CR1: variants seen among roughly 807,000 people sequenced by gnomAD.
CR1 encodes the protein complement receptor type 1.
CR1 carries 116 observed loss-of-function variants against 187.3 expected under a neutral mutation model. That is an observed-to-expected ratio of 0.62 (90% CI 0.53 to 0.72). The LOEUF (loss-of-function observed/expected upper bound fraction) is 0.72. Among genes scored for constraint, CR1 ranks in the 30% least tolerant of loss-of-function variants. The probability of loss-of-function intolerance (pLI) is 0.00; values close to 1 mark genes in which losing one functional copy is unlikely to be tolerated. For synonymous variants in CR1, 576 were observed against 747.1 expected (o/e 0.77, Z 3.73); for missense variants, 1,731 against 2,110.7 (o/e 0.82, Z 3.52).
rs539713836 is a variant in CR1, at chr1:207,565,649, A to G, written c.3867-189A>G. Among the ~76,000 whole-genome samples, 27 of 150,290 alleles carry G rather than the reference A, an allele frequency of 1.8e-4. No individual in the cohort carries two copies. The South Asian group carries it at 2.5e-3, about 14-fold the overall frequency. On this transcript the variant is annotated intron_variant, in intron 23 of 46. Coordinates refer to ENST00000367049, the MANE Select transcript of CR1 (RefSeq NM_000651.6). Reference sequence around the variant, plus strand: ...AGGACTATCATGTGACCAAGCTACTACATTTTGCCATTCTATATTGTTCCC... The same window carrying G: ...AGGACTATCATGTGACCAAGCTACTGCATTTTGCCATTCTATATTGTTCCC...
At position 207,514,421 on chromosome 1, in the gene CR1, T is replaced by C. The variant is rs190007517; in HGVS notation, c.487+2767T>C. The stretch of plus-strand genomic sequence containing the variant: ...CCCCTAAAGTGATGACATTAGGAAG[T>C]GAGGCCTTTGAAAGATGATTAGGGC... On this transcript the variant is annotated intron_variant, in intron 4 of 46. Coordinates refer to ENST00000367049, the MANE Select transcript of CR1 (RefSeq NM_000651.6). Among the ~76,000 whole-genome samples, 433 of 152,158 alleles carry C rather than the reference T, an allele frequency of 2.8e-3. 2 individuals carry two copies. Among genetic ancestry groups the C allele is most frequent in the African/African-American group, 9.6e-3 (398 of 41,512 alleles).
At chr1:207,505,390 C>T (rs1348290409) in intron 1 of CR1, among the ~76,000 whole-genome samples, 1 of 152,114 alleles carries the variant, frequency 6.6e-6, no homozygotes, top group Non-Finnish European at 1.5e-5. Flanking sequence ...TCTCAAACTC[C>T]TGACCTCAAG....
Position 207,602,799 on chromosome 1 carries a change from G to T in CR1, c.5811-4452G>T, listed in dbSNP as rs547510106. On this transcript the variant is annotated intron_variant, in intron 35 of 46. Transcript: ENST00000367049. ...TTGAAAGGTTATTAGAATAGGAAAT[G>T]GTAGTGAGATATCGAGTAAAAAATA... Among the ~76,000 whole-genome samples, 3 of 152,092 alleles carry T rather than the reference G, an allele frequency of 2.0e-5. No homozygotes were observed. The East Asian group carries it at 5.8e-4, about 29-fold the overall frequency.
chr1:207,501,969 T>C (rs1274138008), intron 1 of CR1, among the ~76,000 whole-genome samples: 1 of 152,116 alleles, frequency 6.6e-6, no homozygotes, highest in African/African-American at 2.4e-5. Flanking sequence ...CAAAATCAGC[T>C]GTGAAAATTT....
chr1:207,512,287 A>T (rs1005792406), intron 4 of CR1, among the ~76,000 whole-genome samples: 11 of 152,254 alleles, frequency 7.2e-5, no homozygotes, highest in African/African-American at 2.7e-4. Flanking sequence ...TGACCATTAT[A>T]AAGAATTCCC....
chr1:207,617,507 A>ATATATATATATATATG (rs1332301171), intron 41 of CR1, among the ~76,000 whole-genome samples: 2 of 47,024 alleles, frequency 4.3e-5, no homozygotes, highest in Admixed American at 3.0e-4. Flanking sequence ...ATATATATAT[A>ATATATATATATATATG]TGTGTGTGTG....
At chr1:207,544,822 C>G (rs1485768764) in intron 13 of CR1, among the ~76,000 whole-genome samples, 1 of 132,188 alleles carries the variant, frequency 7.6e-6, no homozygotes, top group African/African-American at 3.1e-5. Flanking sequence ...AGGAGATGAG[C>G]ATAGATGTAT....
At chr1:207,496,421 G>A in intron 1 of CR1, 33 bp downstream of exon 1, 1 of 1,578,062 alleles carries the variant, frequency 6.3e-7, no homozygotes, top group East Asian at 2.3e-5. Flanking sequence ...GAGGCGCCCG[G>A]GCGGACGAGG....
intron 1 of CR1, 44 bp from the exon 2 acceptor site, chr1:207,505,860 A>C: frequency 6.4e-7 from 1 of 1,566,572 alleles, no homozygotes; most frequent in South Asian, 1.2e-5. Flanking sequence ...AAAGTATGGT[A>C]ATTTCTCCAT....
chr1:207,633,759 G>A (rs560635504), intron 46 of CR1, among the ~76,000 whole-genome samples: 8 of 152,268 alleles, frequency 5.3e-5, no homozygotes, highest in Non-Finnish European at 1.0e-4. Flanking sequence ...TTTCATGCAC[G>A]TCCCTGTGAA....
At chr1:207,590,370 A>C (rs1661235919) in intron 35 of CR1, among the ~76,000 whole-genome samples, 1 of 152,240 alleles carries the variant, frequency 6.6e-6, no homozygotes. Flanking sequence ...AAGCTTCATA[A>C]GTGAAGGAGA....
intron 28 of CR1, among the ~76,000 whole-genome samples, chr1:207,577,416 C>T (rs1031059600): frequency 1.3e-5 from 2 of 152,144 alleles, no homozygotes; most frequent in Non-Finnish European, 2.9e-5. Context: ...TCAATATTTA[C>T]TTCTGGTAAT....
intron 4 of CR1, among the ~76,000 whole-genome samples, chr1:207,514,835 G>C (rs1396197851): frequency 3.3e-5 from 5 of 151,540 alleles, no homozygotes; most frequent in African/African-American, 9.7e-5. Flanking sequence ...TTGTTTCCTT[G>C]TAAGGGTTTA....
At chr1:207,607,602 T>C (rs1054030545) in intron 36 of CR1, among the ~76,000 whole-genome samples, 1 of 152,126 alleles carries the variant, frequency 6.6e-6, no homozygotes, top group African/African-American at 2.4e-5. Flanking sequence ...CCTTAATGAG[T>C]ACATTTTAAA....
chr1:207,600,810 A>T (rs542126314), intron 35 of CR1: 20 of 152,278 alleles, frequency 1.3e-4, no homozygotes, highest in African/African-American at 4.8e-4. Flanking sequence ...AATTCATGTG[A>T]CAGGTTGAGG....
At chr1:207,506,945 G>A in intron 3 of CR1, 132 bp downstream of exon 3, 3 of 688,874 alleles carry the variant, frequency 4.4e-6, no homozygotes, top group Non-Finnish European at 7.2e-6. Context: ...CAACACAGAT[G>A]TTTAGCTCCT....
In CR1 at chr1:207,523,967, G is replaced by A. The variant is rs754466659; in HGVS notation, c.844G>A (p.Ala282Thr). The A allele has an allele frequency of 3.5e-5, 57 of 1,611,670 alleles. No homozygotes were observed. The highest frequency in any genetic ancestry group is 4.5e-5 in the Non-Finnish European group (53 of 1,179,726). The change falls in exon 5 of 47, where the codon GCC (alanine) becomes ACC (threonine). Residue 282 changes from alanine (A) to threonine (T), a missense_variant. Physicochemically the swap from Ala to Thr is moderately conservative, Grantham distance 58. This residue lies in a region of CR1 where 131 missense variants were observed against 196.8 expected (regional missense o/e 0.67). Coordinates refer to ENST00000367049, the MANE Select transcript of CR1 (RefSeq NM_000651.6). Reference protein sequence around the residue: ...MKGPRRVKCQALNKWEPELPS... With the variant: ...MKGPRRVKCQTLNKWEPELPS... ...AGGACCCCGCCGTGTGAAGTGCCAG[G>A]CCCTGAACAAATGGGAGCCGGAGCT...
chr1:207,564,215 G>A lies in CR1; in HGVS notation c.3847G>A (p.Asp1283Asn). 1 of 1,579,854 alleles carries A rather than the reference G, an allele frequency of 6.3e-7. No homozygotes were observed. Among genetic ancestry groups the A allele is most frequent in the Non-Finnish European group, 8.6e-7 (1 of 1,166,778 alleles). The change falls in exon 23 of 47, where the codon GAT becomes AAT. Residue 1283 changes from aspartate (D) to asparagine (N), a missense_variant. Physicochemically the swap from Asp to Asn is conservative, Grantham distance 23. Transcript: ENST00000367049. ...PVNLQLGAKV[D>N]FVCDEGFQLK... ...AAATCTCCAGCTTGGAGCAAAAGTGGATTTTGTTTGTGATGAAGGGTGAGT... is the reference window on the plus strand; with the variant it reads ...AAATCTCCAGCTTGGAGCAAAAGTGAATTTTGTTTGTGATGAAGGGTGAGT...
intron 3 of CR1, 81 bp downstream of exon 3, chr1:207,506,894 A>G: frequency 8.8e-7 from 1 of 1,142,384 alleles, no homozygotes; most frequent in Non-Finnish European, 1.3e-6. Flanking sequence ...CACATGTCAG[A>G]AAGGACAACT....
Sources: gnomAD v4.1 joint callset for allele counts (sites outside exome capture counted in the v4.1 genomes callset) on GRCh38, gnomAD v4.1.1 for gene constraint, gnomAD v4.1.1 regional missense constraint, MANE v1.5 for transcripts, NCBI Gene and HGNC (gene_info 2026-07-23, HGNC 2026-07-21) for gene names.